The following PLXDC1 variants were observed in gnomAD, a reference collection of about 807,000 sequenced individuals.
PLXDC1 encodes plexin domain-containing protein 1.
PLXDC1 carries 39 observed loss-of-function variants against 61.3 expected under a neutral mutation model. That is an observed-to-expected ratio of 0.64 (90% CI 0.49 to 0.83). PLXDC1 has a LOEUF of 0.83. Among genes scored for constraint, PLXDC1 ranks in the 40% least tolerant of loss-of-function variants. The pLI is 0.00. For synonymous variants in PLXDC1, 212 were observed against 254.5 expected, an observed-to-expected ratio of 0.83 and a Z score of 1.59; for missense variants, 596 against 666.5, an observed-to-expected ratio of 0.89 and a Z score of 1.17.
At chr17:39,073,962 C>T (rs1909223863) in intron 11 of PLXDC1, among the ~76,000 whole-genome samples, 1 of 152,152 alleles carries the variant, frequency 6.6e-6, no homozygotes, top group Non-Finnish European at 1.5e-5. Flanking sequence ...CCATGTCTCC[C>T]ACTCCTCCTG....
At chr17:39,105,113 G>C (rs1910549098) in intron 7 of PLXDC1, among the ~76,000 whole-genome samples, 1 of 152,290 alleles carries the variant, frequency 6.6e-6, no homozygotes, top group South Asian at 2.1e-4. Flanking sequence ...GCAGACAAAG[G>C]CTCCTCCCCA....
intron 2 of PLXDC1, among the ~76,000 whole-genome samples, chr17:39,138,482 T>C (rs1355300221): frequency 1.3e-5 from 2 of 152,132 alleles, no homozygotes; most frequent in African/African-American, 4.8e-5. Context: ...GAAAGGTTGC[T>C]CAGCGGGAGT....
intron 2 of PLXDC1, 57 bp from the exon 3 acceptor site, chr17:39,109,448 T>G (rs1598200925): frequency 1.3e-6 from 2 of 1,537,246 alleles, no homozygotes; most frequent in East Asian, 4.9e-5. Context: ...ATGCCAGGAC[T>G]GACTCTCCGC....
At chr17:39,095,740 C>T (rs922165023) in intron 7 of PLXDC1, among the ~76,000 whole-genome samples, 2 of 152,018 alleles carry the variant, frequency 1.3e-5, no homozygotes, top group Non-Finnish European at 2.9e-5. Context: ...TCTCAGCTCA[C>T]TGCAGCCTCC....
intron 2 of PLXDC1, among the ~76,000 whole-genome samples, chr17:39,109,831 G>A (rs1243420459): frequency 2.0e-5 from 3 of 152,180 alleles, no homozygotes; most frequent in African/African-American, 7.2e-5. Context: ...CCCTGGAAGA[G>A]TACCCTATTT....
intron 11 of PLXDC1, among the ~76,000 whole-genome samples, chr17:39,074,729 C>T (rs897796612): frequency 2.0e-5 from 3 of 152,274 alleles, no homozygotes; most frequent in African/African-American, 7.2e-5. Flanking sequence ...TGGCTAAACC[C>T]TCTGGGTGGG....
At chr17:39,099,379 G>T (rs2143601063) in intron 7 of PLXDC1, among the ~76,000 whole-genome samples, 1 of 151,214 alleles carries the variant, frequency 6.6e-6, no homozygotes, top group South Asian at 2.1e-4. Context: ...CGTTTCCTGA[G>T]ACTCTGCCTG....
intron 7 of PLXDC1, among the ~76,000 whole-genome samples, chr17:39,091,424 C>T (rs1037629670): frequency 1.3e-5 from 2 of 152,118 alleles, no homozygotes. Flanking sequence ...TTCCTTCGCC[C>T]GACTCCTGCA....
Position 39,083,638 on chromosome 17 carries a change from C to T in PLXDC1, c.908-98G>A, listed in dbSNP as rs1372888659. 6.4e-6 allele frequency: 6 copies of T among 939,374 alleles called. No homozygotes were observed. The Admixed American group carries it at 8.0e-5, about 13-fold the overall frequency. 58.2% of individuals were successfully genotyped at this position (939,374 alleles called of 1,614,324 possible). ...CCTGGTATTTACAGAACTATGGAGC[C>T]CCTGACTTTGAGGAGACCTTTAAGG... On this transcript the variant is annotated intron_variant, in intron 8 of 13. Transcript: ENST00000315392.
chr17:39,105,745 C>T, intron 7 of PLXDC1, 109 bp downstream of exon 7: 1 of 671,944 alleles, frequency 1.5e-6, no homozygotes, highest in Admixed American at 2.5e-5. Context: ...CCTCTCAACT[C>T]TCTGCCCCTT....
At chr17:39,149,129 A>T (rs1245687402) in intron 1 of PLXDC1, among the ~76,000 whole-genome samples, 1 of 151,694 alleles carries the variant, frequency 6.6e-6, no homozygotes, top group Non-Finnish European at 1.5e-5. Flanking sequence ...TCTTTGGGCC[A>T]CTCATCTCTC....
intron 7 of PLXDC1, among the ~76,000 whole-genome samples, chr17:39,097,808 A>G (rs1598195342): frequency 6.6e-6 from 1 of 151,492 alleles, no homozygotes; most frequent in Admixed American, 6.6e-5. Flanking sequence ...AGGCTGAGGC[A>G]GGAGGATCGC....
chr17:39,135,899 C>T (rs1911739681), intron 2 of PLXDC1, among the ~76,000 whole-genome samples: 1 of 152,252 alleles, frequency 6.6e-6, no homozygotes, highest in East Asian at 1.9e-4. Flanking sequence ...TCCATACTGG[C>T]TCTTAATGAA....
At position 39,066,575 on chromosome 17, in the gene PLXDC1, A is replaced by T. The variant is rs1387398640; in HGVS notation, c.*1265T>A. 6.6e-6 allele frequency: 1 copy of T among 152,164 alleles called. No individual in the cohort carries two copies. Among genetic ancestry groups the T allele is most frequent in the Non-Finnish European group, 1.5e-5 (1 of 68,224 alleles). 9.4% of individuals were successfully genotyped at this position (152,164 alleles called of 1,614,324 possible). On this transcript the variant is annotated 3_prime_UTR_variant, in exon 14 of 14. Transcript: ENST00000315392. ...GGGCTAAAATGCCAACTCTATAGCCATGAGGATCTGCTTTCTTTTTTTTTT... is the reference window on the plus strand; with the variant it reads ...GGGCTAAAATGCCAACTCTATAGCCTTGAGGATCTGCTTTCTTTTTTTTTT...
rs745602004 is a variant in PLXDC1 at position 39,063,543 on chromosome 17, C to A, written c.*4297G>T. ...GTCGGAGTTCAGCAGCCATCAGAAC[C>A]AAGGTATGTGTGGTGATCTTCGGAA... On this transcript the variant is annotated 3_prime_UTR_variant, in exon 14 of 14. Transcript: ENST00000315392. 2.8e-6 allele frequency: 2 copies of A among 702,442 alleles called. No homozygotes were observed. Among genetic ancestry groups the A allele is most frequent in the South Asian group, 1.5e-5 (1 of 67,450 alleles). 43.5% of individuals were successfully genotyped at this position (702,442 alleles called of 1,614,324 possible).
intron 4 of PLXDC1, 71 bp downstream of exon 4, chr17:39,108,833 C>A (rs1043903934): frequency 1.4e-5 from 14 of 1,018,622 alleles, no homozygotes; most frequent in Admixed American, 3.8e-5. Context: ...CAGTGAGCCA[C>A]CCCTGGGAGG....
In PLXDC1 at chr17:39,123,101, G is replaced by C. The variant is rs1256381382; in HGVS notation, c.256-13710C>G. On this transcript the variant is annotated intron_variant, in intron 2 of 13. Transcript: ENST00000315392. ...TGTCTGTGGAGTAAGACAGACCCAA[G>C]TTCCAAAATGGGCTCCATTATGTAA... Among the ~76,000 whole-genome samples the C allele has an allele frequency of 1.3e-5, 2 of 152,172 alleles. 1 individual carries two copies.
intron 2 of PLXDC1, among the ~76,000 whole-genome samples, chr17:39,117,707 A>C (rs1911022779): frequency 6.6e-6 from 1 of 152,212 alleles, no homozygotes; most frequent in Admixed American, 6.5e-5. Flanking sequence ...ATGCCACTGC[A>C]TTCCAGCCTG....
intron 1 of PLXDC1, among the ~76,000 whole-genome samples, chr17:39,144,374 A>G (rs935002870): frequency 6.6e-6 from 1 of 152,224 alleles, no homozygotes; most frequent in African/African-American, 2.4e-5. Context: ...AGAGGTAAAG[A>G]GTCCATGAAA....
Sources: gnomAD v4.1 joint callset for allele counts (sites outside exome capture counted in the v4.1 genomes callset) on GRCh38, gnomAD v4.1.1 for gene constraint, MANE v1.5 for transcripts, NCBI Gene and HGNC (gene_info 2026-07-23, HGNC 2026-07-21) for gene names.